NHEJ1: variants seen among roughly 807,000 people sequenced by gnomAD.
The protein encoded by NHEJ1 is non-homologous end-joining factor 1.
A neutral mutation model predicts 39.4 loss-of-function variants in NHEJ1; 22 were observed. That is an observed-to-expected ratio of 0.56 (90% CI 0.40 to 0.80). The LOEUF (loss-of-function observed/expected upper bound fraction) is 0.80. NHEJ1 is among the 30% of genes least tolerant of loss of function. NHEJ1 has a pLI of 0.00. For synonymous variants in NHEJ1, 154 were observed against 135.6 expected (o/e 1.14, Z -0.94); for missense variants, 329 against 357.1 (o/e 0.92, Z 0.63).
intron 5 of NHEJ1, among the ~76,000 whole-genome samples, chr2:219,099,974 G>A (rs181561120): frequency 9.2e-5 from 14 of 152,316 alleles, no homozygotes; most frequent in Admixed American, 7.8e-4. Flanking sequence ...TCTGAAACTG[G>A]TAGGTGGCAT....
At chr2:219,123,939 T>G (rs1055428695) in intron 5 of NHEJ1, among the ~76,000 whole-genome samples, 3 of 152,184 alleles carry the variant, frequency 2.0e-5, no homozygotes, top group Admixed American at 2.0e-4. Context: ...GTTTTATTAG[T>G]GCCATATAAT....
intron 5 of NHEJ1, among the ~76,000 whole-genome samples, chr2:219,106,147 A>T (rs909308284): frequency 8.5e-5 from 13 of 152,228 alleles, no homozygotes; most frequent in African/African-American, 2.9e-4. Context: ...AGATCCCAGG[A>T]CTAGGAGGCA....
rs1241784440 is a variant in NHEJ1 at position 219,140,694 on chromosome 2, C to T, written c.588+5986G>A. On this transcript the variant is annotated intron_variant, in intron 5 of 7. Coordinates refer to ENST00000356853, the MANE Select transcript of NHEJ1 (RefSeq NM_024782.3). ...AAATCTGGGCATACGACTGGAAGTT[C>T]AATTTTGGACGTGTTGAATTTAAGA... Among the ~76,000 whole-genome samples, 5 of 152,140 alleles carry T rather than the reference C, an allele frequency of 3.3e-5. No individual in the cohort carries two copies. In the East Asian group the frequency reaches 9.6e-4, roughly 29 times the overall value.
At chr2:219,151,028 T>G (rs1949790322) in intron 3 of NHEJ1, among the ~76,000 whole-genome samples, 1 of 148,656 alleles carries the variant, frequency 6.7e-6, no homozygotes. Flanking sequence ...CTTGGGAGGC[T>G]GAGGTGGGAG....
intron 5 of NHEJ1, among the ~76,000 whole-genome samples, chr2:219,080,110 T>A (rs189552097): frequency 1.2e-4 from 18 of 152,312 alleles, no homozygotes; most frequent in Non-Finnish European, 1.9e-4. Flanking sequence ...TGGAACCTAA[T>A]CTAAGCCCTT....
rs1400189119 is a variant in NHEJ1, at chr2:219,073,941, A to C, written c.*2440T>G. On this transcript the variant is annotated 3_prime_UTR_variant, in exon 8 of 8. Coordinates refer to ENST00000356853, the MANE Select transcript of NHEJ1 (RefSeq NM_024782.3). ...CAGGGAGGGGCCCAAGCCAGGGGGCAGGGCTGGAATACAGCCTGGCTAGGC... is the reference window on the plus strand; with the variant it reads ...CAGGGAGGGGCCCAAGCCAGGGGGCCGGGCTGGAATACAGCCTGGCTAGGC... Among the ~76,000 whole-genome samples the C allele has an allele frequency of 6.6e-6, 1 of 152,252 alleles. No homozygotes were observed. The highest frequency in any genetic ancestry group is 1.5e-5 in the Non-Finnish European group (1 of 68,036).
intron 1 of NHEJ1, among the ~76,000 whole-genome samples, chr2:219,159,582 TATATGC>T (rs1949905810): frequency 8.2e-6 from 1 of 121,952 alleles, no homozygotes; most frequent in Admixed American, 7.8e-5. Context: ...TATGCATATA[TATATGC>T]ATATATATAT....
chr2:219,105,392 CAT>C (rs924207360), intron 5 of NHEJ1, among the ~76,000 whole-genome samples: 2 of 152,112 alleles, frequency 1.3e-5, no homozygotes, highest in Admixed American at 6.5e-5. Context: ...TACAGTAAGA[CAT>C]GTGGTTAATT....
At chr2:219,105,252 T>C (rs540471695) in intron 5 of NHEJ1, among the ~76,000 whole-genome samples, 1 of 152,302 alleles carries the variant, frequency 6.6e-6, no homozygotes, top group Non-Finnish European at 1.5e-5. Flanking sequence ...AGTCTAAGGT[T>C]TGTGCAGAAT....
In NHEJ1 at chr2:219,069,470, G is replaced by A. The variant is rs1303728514; in HGVS notation, c.*6911C>T. Reference sequence around the variant, plus strand: ...TCTGTGATGACTCAGGGACTGGCCTGGCTCCTTTGGGTCATTCATCAAAGC... The same window carrying A: ...TCTGTGATGACTCAGGGACTGGCCTAGCTCCTTTGGGTCATTCATCAAAGC... On this transcript the variant is annotated 3_prime_UTR_variant, in exon 8 of 8. Transcript: ENST00000356853. 6.6e-6 allele frequency: 1 copy of A among 152,224 alleles called. No individual in the cohort carries two copies. Among genetic ancestry groups the A allele is most frequent in the Admixed American group, 6.5e-5 (1 of 15,280 alleles). The allele number at this position is 152,224 out of a possible 1,614,324, so 9.4% of individuals were successfully genotyped here.
At chr2:219,100,301 C>A (rs1949244618) in intron 5 of NHEJ1, among the ~76,000 whole-genome samples, 1 of 152,032 alleles carries the variant, frequency 6.6e-6, no homozygotes, top group Non-Finnish European at 1.5e-5. Context: ...CTAAGGAAAC[C>A]TTCAAGAATG....
chr2:219,130,313 G>A (rs1425195429), intron 5 of NHEJ1, among the ~76,000 whole-genome samples: 1 of 152,088 alleles, frequency 6.6e-6, no homozygotes, highest in African/African-American at 2.4e-5. Context: ...CAGGCTTTGA[G>A]ACCTCAGAAG....
intron 5 of NHEJ1, among the ~76,000 whole-genome samples, chr2:219,132,351 T>G (rs537574169): frequency 6.3e-4 from 96 of 152,334 alleles, no homozygotes; most frequent in African/African-American, 2.3e-3. Flanking sequence ...ATGTACTCAC[T>G]AAACTCAGCA....
At position 219,111,352 on chromosome 2, in the gene NHEJ1, GGT is replaced by G. The variant is rs2106339469; in HGVS notation, c.589-33148_589-33147del. ...TCCTTAAAAAGCAAAGTAGGGGGAT[GGT>G]ACAGCTTTTAAAAGAGGGGACCAGC... On this transcript the variant is annotated intron_variant, in intron 5 of 7. Transcript: ENST00000356853. The surrounding 1 kb of genome is among the most constrained non-coding windows in gnomAD (Gnocchi z 4.1). 1.3e-5 allele frequency among the ~76,000 whole-genome samples: 2 copies of G among 152,122 alleles called. No homozygotes were observed. Among genetic ancestry groups the G allele is most frequent in the African/African-American group, 4.8e-5 (2 of 41,490 alleles).
intron 5 of NHEJ1, among the ~76,000 whole-genome samples, chr2:219,110,127 C>G (rs1281395249): frequency 6.6e-6 from 1 of 152,114 alleles, no homozygotes; most frequent in Non-Finnish European, 1.5e-5. Context: ...AAGCATTGTT[C>G]TATTGACACT....
intron 5 of NHEJ1, among the ~76,000 whole-genome samples, chr2:219,137,579 AAAAAAAAAAAAAAC>A (rs1175404025): frequency 2.1e-5 from 3 of 141,154 alleles, no homozygotes; most frequent in African/African-American, 5.0e-5. Flanking sequence ...GCAAAAAAAA[AAAAAAAAAAAAAAC>A]AAAAAAAACT....
At position 219,074,766 on chromosome 2, in the gene NHEJ1, G is replaced by GA; in HGVS notation, c.*1614_*1615insT. 6.6e-6 allele frequency among the ~76,000 whole-genome samples: 1 copy of GA among 151,678 alleles called. No homozygotes were observed. The highest frequency in any genetic ancestry group is 1.9e-4 in the East Asian group (1 of 5,164). On this transcript the variant is annotated 3_prime_UTR_variant, in exon 8 of 8. Transcript: ENST00000356853. ...AAAAAAAAAAAAAAGTAACAAAAGA[G>GA]CAAAGTAAGCCAGCTGATAGGCTGT...
chr2:219,145,395 G>A (rs1949726597), intron 5 of NHEJ1, among the ~76,000 whole-genome samples: 1 of 152,194 alleles, frequency 6.6e-6, no homozygotes, highest in Non-Finnish European at 1.5e-5. Flanking sequence ...TTGTAGCTCA[G>A]TCAATGCACA....
At position 219,150,787 on chromosome 2, in the gene NHEJ1, C is replaced by G. The variant is rs538334205; in HGVS notation, c.391-2992G>C. The stretch of plus-strand genomic sequence containing the variant: ...CCTGGCCAACACGGTGAAACCCCGT[C>G]TCTACTAAAAATACAAAAATTAGCT... On this transcript the variant is annotated intron_variant, in intron 3 of 7. Transcript: ENST00000356853. Among the ~76,000 whole-genome samples, 18 of 152,160 alleles carry G rather than the reference C, an allele frequency of 1.2e-4. 1 individual carries two copies. The South Asian group carries it at 3.7e-3, about 32-fold the overall frequency.
Sources: gnomAD v4.1 joint callset for allele counts (sites outside exome capture counted in the v4.1 genomes callset) on GRCh38, gnomAD v4.1.1 for gene constraint, Gnocchi (gnomAD v3.1) non-coding constraint, MANE v1.5 for transcripts, NCBI Gene and HGNC (gene_info 2026-07-23, HGNC 2026-07-21) for gene names.